PXN: variants seen among roughly 807,000 people sequenced by gnomAD.
The protein encoded by PXN is paxillin.
A neutral mutation model predicts 103.6 loss-of-function variants in PXN; 61 were observed. The observed-to-expected ratio is 0.59, with a 90% CI of 0.48 to 0.73. PXN has a LOEUF of 0.73. Among genes scored for constraint, PXN ranks in the 30% least tolerant of loss-of-function variants. The pLI is 0.00. For synonymous variants in PXN, 562 were observed against 607.8 expected (o/e 0.92, Z 1.11); for missense variants, 1,274 against 1,460.3 (o/e 0.87, Z 2.08).
chr12:120,251,981 T>C (rs1002321186), intron 1 of PXN, among the ~76,000 whole-genome samples: 9 of 152,198 alleles, frequency 5.9e-5, no homozygotes, highest in African/African-American at 2.2e-4. Flanking sequence ...GAAATGCACC[T>C]ATTTCATGGA....
intron 1 of PXN, among the ~76,000 whole-genome samples, chr12:120,262,813 A>C (rs1188490884): frequency 6.6e-6 from 1 of 152,186 alleles, no homozygotes; most frequent in African/African-American, 2.4e-5. Context: ...CTCTGGGCCA[A>C]ACCAGCATCT....
Position 120,216,217 on chromosome 12 carries a change from G to A in PXN, c.2301+56C>T, listed in dbSNP as rs1185174778. 2 of 1,269,826 alleles carry A rather than the reference G, an allele frequency of 1.6e-6. No individual in the cohort carries two copies. Among genetic ancestry groups the A allele is most frequent in the South Asian group, 3.3e-5 (1 of 30,496 alleles). 78.7% of individuals were successfully genotyped at this position (1,269,826 alleles called of 1,614,324 possible). On this transcript the variant is annotated intron_variant, in intron 9 of 14. Coordinates refer to ENST00000637617, the MANE Select transcript of PXN (RefSeq NM_001385981.1). The surrounding 1 kb of genome is among the most constrained non-coding windows in gnomAD (Gnocchi z 5.1). ...GCACGTGTGTGTGTGCAGAGTGGGG[G>A]ATGGCTCAGGCATTAGGACAGGGGA...
chr12:120,217,458 C>G lies in PXN; in HGVS notation c.1717-342G>C, dbSNP rs1401183503. Among the ~76,000 whole-genome samples, 2 of 152,246 alleles carry G rather than the reference C, an allele frequency of 1.3e-5. No homozygotes were observed. The highest frequency in any genetic ancestry group is 2.9e-5 in the Non-Finnish European group (2 of 68,046). On this transcript the variant is annotated intron_variant, in intron 7 of 14. Transcript: ENST00000637617. This position sits in a 1 kb window ranked among gnomAD's most constrained non-coding sequence, Gnocchi z 4.1. ...AAATGGAACCACAAGATTTTCTTGG[C>G]TTACCGCACAGGGTTTGCACAAGAA...
chr12:120,217,133 G>T lies in PXN; in HGVS notation c.1717-17C>A. On this transcript the variant is annotated splice_polypyrimidine_tract_variant and intron_variant, in intron 7 of 14. Coordinates refer to ENST00000637617, the MANE Select transcript of PXN (RefSeq NM_001385981.1). This position sits in a 1 kb window ranked among gnomAD's most constrained non-coding sequence, Gnocchi z 4.1. ...AGATCGGATCTAGGGGGAGGGGGAG[G>T]GGAGGCTGTCACCGTCCCACTCCCA... The T allele has an allele frequency of 6.4e-7, 1 of 1,564,286 alleles. No homozygotes were observed. Among genetic ancestry groups the T allele is most frequent in the Non-Finnish European group, 8.6e-7 (1 of 1,160,542 alleles).
chr12:120,227,124 A>T (rs1014450807), intron 1 of PXN: 3 of 986,572 alleles, frequency 3.0e-6, no homozygotes, highest in Non-Finnish European at 3.6e-6. Flanking sequence ...CAACCTTGAA[A>T]AGAAAAGAAA....
At position 120,216,813 on chromosome 12, in the gene PXN, G is replaced by A. The variant is rs1483538143; in HGVS notation, c.1992+28C>T. 1.9e-6 allele frequency: 3 copies of A among 1,558,972 alleles called. No individual in the cohort carries two copies. The highest frequency in any genetic ancestry group is 1.4e-5 in the African/African-American group (1 of 72,466). ...ACCCCAGGTGCTTGGCTCTGGCCCA[G>A]CCCCAGCCATGGGCATCTCCTCGCC... is the stretch of plus-strand genomic sequence containing the variant. On this transcript the variant is annotated intron_variant, in intron 8 of 14. Coordinates refer to ENST00000637617, the MANE Select transcript of PXN (RefSeq NM_001385981.1). This position sits in a 1 kb window ranked among gnomAD's most constrained non-coding sequence, Gnocchi z 5.1.
At chr12:120,238,546 C>T (rs1034246834) in intron 1 of PXN, among the ~76,000 whole-genome samples, 4 of 152,216 alleles carry the variant, frequency 2.6e-5, no homozygotes, top group Non-Finnish European at 5.9e-5. Context: ...TCTGGGGCTC[C>T]GCAAATCCAG....
intron 1 of PXN, among the ~76,000 whole-genome samples, chr12:120,237,604 G>A (rs955081249): frequency 1.3e-5 from 2 of 152,164 alleles, no homozygotes; most frequent in African/African-American, 4.8e-5. Flanking sequence ...CACGAGTGCT[G>A]AGAAGAAGTG....
intron 1 of PXN, among the ~76,000 whole-genome samples, chr12:120,259,977 G>A (rs910993065): frequency 6.6e-6 from 1 of 152,196 alleles, no homozygotes; most frequent in South Asian, 2.1e-4. Flanking sequence ...GAGCATGTTC[G>A]GGTGCAGCGG....
intron 1 of PXN, among the ~76,000 whole-genome samples, chr12:120,237,783 T>C (rs1439086066): frequency 2.6e-5 from 4 of 152,176 alleles, no homozygotes; most frequent in Admixed American, 1.3e-4. Flanking sequence ...CTGAGGCCCC[T>C]TGACAGCTGG....
chr12:120,215,358 C>T lies in PXN; in HGVS notation c.2404-85G>A. 1 of 1,495,926 alleles carries T rather than the reference C, an allele frequency of 6.7e-7. No homozygotes were observed. The highest frequency in any genetic ancestry group is 8.9e-7 in the Non-Finnish European group (1 of 1,124,710). The allele number at this position is 1,495,926 out of a possible 1,614,324, so 92.7% of individuals were successfully genotyped here. On this transcript the variant is annotated intron_variant, in intron 10 of 14. Coordinates refer to ENST00000637617, the MANE Select transcript of PXN (RefSeq NM_001385981.1). This position sits in a 1 kb window ranked among gnomAD's most constrained non-coding sequence, Gnocchi z 4.9. ...CACAGGGATGGGGGTACTTTTCTCCCTCCTGGACAGATGAGCTGATGGAGA... is the reference window on the plus strand; with the variant it reads ...CACAGGGATGGGGGTACTTTTCTCCTTCCTGGACAGATGAGCTGATGGAGA...
At chr12:120,232,761 A>G (rs1888304400) in intron 1 of PXN, among the ~76,000 whole-genome samples, 2 of 152,206 alleles carry the variant, frequency 1.3e-5, no homozygotes, top group South Asian at 4.1e-4. Context: ...CCCGAACAAA[A>G]AGTTCAAAAG....
rs889698467 is a variant in PXN at position 120,217,495 on chromosome 12, G to T, written c.1717-379C>A. Among the ~76,000 whole-genome samples, 3 of 152,148 alleles carry T rather than the reference G, an allele frequency of 2.0e-5. No homozygotes were observed. Among genetic ancestry groups the T allele is most frequent in the African/African-American group, 7.2e-5 (3 of 41,444 alleles). On this transcript the variant is annotated intron_variant, in intron 7 of 14. Coordinates refer to ENST00000637617, the MANE Select transcript of PXN (RefSeq NM_001385981.1). This position sits in a 1 kb window ranked among gnomAD's most constrained non-coding sequence, Gnocchi z 4.1. ...GGTTTGCACAAGAATTATTCCAGAG[G>T]ATGTAAGTGCATGCCCTTGACAAGG... is the stretch of plus-strand genomic sequence containing the variant.
At position 120,212,647 on chromosome 12, in the gene PXN, G is replaced by A. The variant is rs956458473; in HGVS notation, c.2980-67C>T. 6.4e-7 allele frequency: 1 copy of A among 1,550,806 alleles called. No individual in the cohort carries two copies. Among genetic ancestry groups the A allele is most frequent in the African/African-American group, 1.4e-5 (1 of 74,046 alleles). On this transcript the variant is annotated intron_variant, in intron 14 of 14. Transcript: ENST00000637617. The surrounding 1 kb of genome is among the most constrained non-coding windows in gnomAD (Gnocchi z 7.2). ...CTAGAGCTGCACCCTGTGTGATGGG[G>A]CCGAGGTGGGCATAGTCGGCACGCT... is the stretch of plus-strand genomic sequence containing the variant.
Position 120,216,799 on chromosome 12 carries a change from T to G in PXN, c.1992+42A>C. 6.4e-7 allele frequency: 1 copy of G among 1,574,510 alleles called. No homozygotes were observed. On this transcript the variant is annotated intron_variant, in intron 8 of 14. Transcript: ENST00000637617. The surrounding 1 kb of genome is among the most constrained non-coding windows in gnomAD (Gnocchi z 5.1). ...AGGGAAGAACCCGGACCCCAGGTGC[T>G]TGGCTCTGGCCCAGCCCCAGCCATG...
chr12:120,216,583 TG>T lies in PXN; in HGVS notation c.1993-3del. ...GGGAGAGCCAGGAGGGAAGACAACC[TG>T]GGGAGAAGAAAGGAGGGAGAGCGAT... On this transcript the variant is annotated splice_polypyrimidine_tract_variant and splice_region_variant and intron_variant, in intron 8 of 14. Transcript: ENST00000637617. This position sits in a 1 kb window ranked among gnomAD's most constrained non-coding sequence, Gnocchi z 5.1. The T allele has an allele frequency of 6.9e-7, 1 of 1,448,210 alleles. No homozygotes were observed. The highest frequency in any genetic ancestry group is 2.8e-5 in the East Asian group (1 of 36,016). 89.7% of individuals were successfully genotyped at this position (1,448,210 alleles called of 1,614,324 possible). A position where few individuals can be genotyped will look rare whatever the true frequency, so the allele number is the denominator to read the frequency against.
chr12:120,221,824 C>T lies in PXN; in HGVS notation c.696-66G>A, dbSNP rs1885251021. The T allele has an allele frequency of 3.3e-6, 5 of 1,492,780 alleles. No homozygotes were observed. The highest frequency in any genetic ancestry group is 2.5e-5 in the South Asian group (2 of 78,646). The allele number at this position is 1,492,780 out of a possible 1,614,324, so 92.5% of individuals were successfully genotyped here. ...GCCCCACACTTCCCGGGGATCAGAT[C>T]GACCTCTCACCTCGGACACTGGGGT... On this transcript the variant is annotated intron_variant, in intron 5 of 14. Transcript: ENST00000637617. The surrounding 1 kb of genome is among the most constrained non-coding windows in gnomAD (Gnocchi z 6.6).
intron 3 of PXN, 120 bp downstream of exon 3, chr12:120,223,598 A>G: frequency 1.4e-6 from 1 of 704,938 alleles, no homozygotes; most frequent in Non-Finnish European, 2.3e-6. Flanking sequence ...TTAAACCAGA[A>G]TAACCCCACA....
intron 1 of PXN, among the ~76,000 whole-genome samples, chr12:120,249,683 C>T (rs1487983472): frequency 6.6e-6 from 1 of 152,200 alleles, no homozygotes; most frequent in Non-Finnish European, 1.5e-5. Flanking sequence ...CAACCGCCTC[C>T]AGGTAACGAT....
Sources: gnomAD v4.1 joint callset for allele counts (sites outside exome capture counted in the v4.1 genomes callset) on GRCh38, gnomAD v4.1.1 for gene constraint, Gnocchi (gnomAD v3.1) non-coding constraint, MANE v1.5 for transcripts, NCBI Gene and HGNC (gene_info 2026-07-23, HGNC 2026-07-21) for gene names.